Variants in LINGO2 observed in about 807,000 individuals in gnomAD.
LINGO2 encodes the protein leucine-rich repeat and immunoglobulin-like domain-containing nogo receptor-interacting protein 2.
Under a neutral mutation model 30.6 loss-of-function variants are expected in LINGO2, and 14 were observed. That is an observed-to-expected ratio of 0.46 (90% CI 0.30 to 0.72). The LOEUF (loss-of-function observed/expected upper bound fraction) is 0.72. Ranked by LOEUF, LINGO2 falls within the 30% of genes least tolerant of loss-of-function variation. LINGO2 has a pLI of 0.07. For missense variants in LINGO2, 729 were observed against 751.7 expected (o/e 0.97, Z 0.35); for synonymous variants, 317 against 288.5 (o/e 1.10, Z -1.00).
chr9:28,663,080 AC>A (rs1828642037), intron 1 of LINGO2, among the ~76,000 whole-genome samples: 3 of 151,898 alleles, frequency 2.0e-5, no homozygotes, highest in Admixed American at 2.0e-4. Flanking sequence ...TAACTGTCAG[AC>A]CAAAAAAAGT....
chr9:28,037,759 A>G (rs1198596010), intron 4 of LINGO2, among the ~76,000 whole-genome samples: 2 of 152,252 alleles, frequency 1.3e-5, no homozygotes, highest in African/African-American at 4.8e-5. Context: ...TCAAATATGG[A>G]TCACAAATGT....
At chr9:29,154,534 G>C in the LINGO2 span, among the ~76,000 whole-genome samples, 21 of 151,700 alleles carry the variant, frequency 1.4e-4, no homozygotes, top group African/African-American at 5.1e-4. Flanking sequence ...TCTAATAAAA[G>C]GGGAAGCGCT....
the LINGO2 span, chr9:27,940,196 G>A: frequency 5.3e-5 from 8 of 151,638 alleles, no homozygotes; most frequent in South Asian, 2.1e-4. Flanking sequence ...ATGTATATAC[G>A]TGTCATTCTG....
At chr9:29,161,383 C>G in the LINGO2 span, among the ~76,000 whole-genome samples, 1 of 152,170 alleles carries the variant, frequency 6.6e-6, no homozygotes, top group South Asian at 2.1e-4. Context: ...AACCTGATCC[C>G]AAGCAGGCAT....
At chr9:28,889,667 A>G in the LINGO2 span, among the ~76,000 whole-genome samples, 5 of 152,064 alleles carry the variant, frequency 3.3e-5, no homozygotes, top group African/African-American at 1.2e-4. Flanking sequence ...CAACACATAA[A>G]TTATTTTTCT....
intron 4 of LINGO2, among the ~76,000 whole-genome samples, chr9:28,248,818 G>C (rs1162575206): frequency 6.6e-6 from 1 of 152,122 alleles, no homozygotes; most frequent in Non-Finnish European, 1.5e-5. Context: ...CTCATTTATA[G>C]AAAAGTTAAC....
At chr9:28,671,225 C>T (rs1588052218), upstream of LINGO2, among the ~76,000 whole-genome samples, 1 of 152,016 alleles carries the variant, frequency 6.6e-6, no homozygotes, top group African/African-American at 2.4e-5. Flanking sequence ...CCTTTCCCCT[C>T]TGCACATCGC....
the LINGO2 span, among the ~76,000 whole-genome samples, chr9:28,675,924 T>TATATATATATATAG: frequency 7.3e-6 from 1 of 137,740 alleles, no homozygotes; most frequent in Non-Finnish European, 1.5e-5. Flanking sequence ...TATATATATA[T>TATATATATATATAG]ACATACACAC....
chr9:28,000,711 T>TGG (rs1821905738), intron 5 of LINGO2, among the ~76,000 whole-genome samples: 1 of 152,158 alleles, frequency 6.6e-6, no homozygotes, highest in South Asian at 2.1e-4. Context: ...TTTTTAAAAG[T>TGG]GGGGGCACTA....
At chr9:29,082,864 A>T in the LINGO2 span, among the ~76,000 whole-genome samples, 1 of 152,200 alleles carries the variant, frequency 6.6e-6, no homozygotes, top group African/African-American at 2.4e-5. Flanking sequence ...AGAGAAATGC[A>T]AATCAAAATT....
At chr9:28,980,550 A>G in the LINGO2 span, among the ~76,000 whole-genome samples, 1 of 151,976 alleles carries the variant, frequency 6.6e-6, no homozygotes, top group South Asian at 2.1e-4. Flanking sequence ...TTTCAGCCAC[A>G]TCAGTTTATT....
At chr9:28,287,524 G>T (rs1045953036) in intron 4 of LINGO2, among the ~76,000 whole-genome samples, 1 of 152,142 alleles carries the variant, frequency 6.6e-6, no homozygotes, top group Non-Finnish European at 1.5e-5. Flanking sequence ...ACTTAATTAG[G>T]TTTTTGTGAG....
chr9:28,624,112 T>C (rs1290201180), intron 1 of LINGO2, among the ~76,000 whole-genome samples: 2 of 152,136 alleles, frequency 1.3e-5, no homozygotes, highest in African/African-American at 2.4e-5. Context: ...GCTCATATTA[T>C]CTACAAACAA....
the LINGO2 span, among the ~76,000 whole-genome samples, chr9:29,001,210 CGTT>C: frequency 1.3e-5 from 2 of 151,816 alleles, no homozygotes; most frequent in African/African-American, 4.8e-5. Context: ...AATGAGATCT[CGTT>C]GTAGCCTTCA....
rs544948711 is a variant in LINGO2 at position 28,078,802 on chromosome 9, C to T, written c.-86-66397G>A. On this transcript the variant is annotated intron_variant, in intron 4 of 5. Transcript: ENST00000379992. ...GGCAGAGGTGGCAGTGAGCCAAGAT[C>T]GCGCCATTGCACTCCAGCCTGGGCA... is the stretch of plus-strand genomic sequence containing the variant. 4.1e-5 allele frequency among the ~76,000 whole-genome samples: 6 copies of T among 147,198 alleles called. 1 individual carries two copies. The highest frequency in any genetic ancestry group is 8.1e-5 in the African/African-American group (3 of 37,158).
At chr9:28,229,183 A>G (rs1394441065) in intron 4 of LINGO2, among the ~76,000 whole-genome samples, 1 of 151,874 alleles carries the variant, frequency 6.6e-6, no homozygotes, top group Non-Finnish European at 1.5e-5. Flanking sequence ...AAATAAAAAC[A>G]TGCAAAATTC....
chr9:28,093,071 A>G (rs1826143033), intron 4 of LINGO2, among the ~76,000 whole-genome samples: 1 of 152,074 alleles, frequency 6.6e-6, no homozygotes, highest in Non-Finnish European at 1.5e-5. Context: ...AAACCCAGGT[A>G]GTCAGACCTC....
the LINGO2 span, among the ~76,000 whole-genome samples, chr9:29,152,649 A>G: frequency 6.6e-6 from 1 of 152,264 alleles, no homozygotes; most frequent in South Asian, 2.1e-4. Flanking sequence ...AAACTACTAT[A>G]GGAGGAAATG....
the LINGO2 span, among the ~76,000 whole-genome samples, chr9:28,713,470 G>A: frequency 1.9e-3 from 282 of 152,212 alleles, 1 homozygote; most frequent in Middle Eastern, 3.4e-3. Flanking sequence ...CCAAAAGAAC[G>A]TGAGCAAAAA....
Sources: allele counts gnomAD v4.1 joint callset (sites outside exome capture counted in the v4.1 genomes callset), GRCh38; gene constraint gnomAD v4.1.1; transcripts MANE v1.5; gene names NCBI Gene and HGNC (gene_info 2026-07-23, HGNC 2026-07-21).